The following AFF3 variants were observed in gnomAD, a reference collection of about 807,000 sequenced individuals.
The protein encoded by AFF3 is ALF transcription elongation factor 3, also known as AF4/FMR2 family member 3.
Under a neutral mutation model 129.7 loss-of-function variants are expected in AFF3, and 32 were observed. That is an observed-to-expected ratio of 0.25 (90% CI 0.19 to 0.33). The LOEUF is 0.33. Ranked by LOEUF, AFF3 falls within the 10% of genes least tolerant of loss-of-function variation. AFF3 has a pLI of 1.00. For missense variants in AFF3, 1,373 were observed against 1,592.0 expected (o/e 0.86, Z 2.34); for synonymous variants, 644 against 635.4 (o/e 1.01, Z -0.20).
chr2:99,967,449 C>T (rs902122657), intron 7 of AFF3, among the ~76,000 whole-genome samples: 4 of 152,182 alleles, frequency 2.6e-5, no homozygotes, highest in Admixed American at 1.3e-4. Flanking sequence ...ACTGGATTGG[C>T]ATCTTTCTCT....
chr2:99,763,712 TCAAA>T (rs1182351068), intron 8 of AFF3, among the ~76,000 whole-genome samples: 1 of 152,180 alleles, frequency 6.6e-6, no homozygotes, highest in Non-Finnish European at 1.5e-5. Context: ...TGCAACTGAT[TCAAA>T]CACAGATACA....
rs567870888 is a variant in AFF3, at chr2:99,578,306, T to C, written c.2918+21A>G. On this transcript the variant is annotated intron_variant, in intron 18 of 24. Coordinates refer to ENST00000672756, the MANE Select transcript of AFF3 (RefSeq NM_001386135.1). ...CTGTTCTGTCTTGCCCCTCACCACA[T>C]TTAAAAGCGTCTGAACTTACATATC... 21 of 1,584,110 alleles carry C rather than the reference T, an allele frequency of 1.3e-5. No homozygotes were observed. The East Asian group carries it at 4.8e-4, about 37-fold the overall frequency.
chr2:99,732,873 T>A (rs143166669), intron 10 of AFF3, among the ~76,000 whole-genome samples: 2 of 142,392 alleles, frequency 1.4e-5, no homozygotes, highest in Admixed American at 1.5e-4. Flanking sequence ...GGTTTTAAAG[T>A]TTTTTCTAAT....
chr2:99,846,345 G>A (rs1240030867), intron 7 of AFF3, among the ~76,000 whole-genome samples: 1 of 151,818 alleles, frequency 6.6e-6, no homozygotes, highest in African/African-American at 2.4e-5. Flanking sequence ...GGCCAGGTTG[G>A]TCTCGAACTC....
At chr2:99,667,579 A>C (rs1686781478) in intron 12 of AFF3, among the ~76,000 whole-genome samples, 1 of 152,242 alleles carries the variant, frequency 6.6e-6, no homozygotes, top group African/African-American at 2.4e-5. Context: ...AGTTCTTTCA[A>C]AAGATCAATA....
intron 4 of AFF3, among the ~76,000 whole-genome samples, chr2:100,093,653 C>T (rs1442635585): frequency 2.0e-5 from 3 of 152,034 alleles, no homozygotes; most frequent in East Asian, 1.9e-4. Context: ...GAAGGAACTA[C>T]CTTCAATGAA....
intron 11 of AFF3, among the ~76,000 whole-genome samples, chr2:99,675,523 A>G (rs981067545): frequency 2.6e-5 from 4 of 152,066 alleles, no homozygotes; most frequent in African/African-American, 9.7e-5. Flanking sequence ...CCTTGGCTCA[A>G]CTCCCTAGCA....
intron 13 of AFF3, among the ~76,000 whole-genome samples, chr2:99,615,044 G>A (rs966342554): frequency 9.9e-5 from 15 of 152,168 alleles, no homozygotes; most frequent in African/African-American, 3.6e-4. Flanking sequence ...AATACTAAAA[G>A]TCCATCAGAG....
At chr2:99,902,807 A>G (rs894778208) in intron 7 of AFF3, among the ~76,000 whole-genome samples, 1 of 152,208 alleles carries the variant, frequency 6.6e-6, no homozygotes, top group African/African-American at 2.4e-5. Flanking sequence ...AACATCCTAC[A>G]TAATGCAAAC....
chr2:99,891,615 T>C (rs1034453930), intron 7 of AFF3, among the ~76,000 whole-genome samples: 45 of 152,162 alleles, frequency 3.0e-4, no homozygotes, highest in African/African-American at 1.1e-3. Context: ...CTGTGACAAA[T>C]GGAGGACAGC....
intron 8 of AFF3, among the ~76,000 whole-genome samples, chr2:99,834,225 C>T (rs1488805980): frequency 6.6e-6 from 1 of 152,158 alleles, no homozygotes; most frequent in Non-Finnish European, 1.5e-5. Context: ...AGAGAGGTTG[C>T]TGTGCAAGGC....
chr2:99,653,987 C>A lies in AFF3; in HGVS notation c.1144-4321G>T, dbSNP rs572324639. ...CTCTGCCTCCCTGGTTCAAGCGATT[C>A]TCCTGCTTCAACCTCCAGAGTAGCT... On this transcript the variant is annotated intron_variant, in intron 12 of 24. Transcript: ENST00000672756. Among the ~76,000 whole-genome samples the A allele has an allele frequency of 2.8e-5, 4 of 145,420 alleles. No homozygotes were observed. The South Asian group carries it at 8.8e-4, about 32-fold the overall frequency.
intron 17 of AFF3, among the ~76,000 whole-genome samples, chr2:99,578,849 G>A (rs1186284264): frequency 1.3e-5 from 2 of 152,198 alleles, no homozygotes; most frequent in African/African-American, 4.8e-5. Flanking sequence ...GCATCCTCCA[G>A]GGGGCTGGTG....
Position 99,547,495 on chromosome 2 carries a change from CTTT to C in AFF3, c.*3976_*3978del, listed in dbSNP as rs34122848. On this transcript the variant is annotated 3_prime_UTR_variant, in exon 25 of 25. Coordinates refer to ENST00000672756, the MANE Select transcript of AFF3 (RefSeq NM_001386135.1). ...TGTCTACATTGTTAAAAAAATCTTG[CTTT>C]TTTTTTTTTTTGGTGATGCAGATTT... 194 of 183,308 alleles carry C rather than the reference CTTT, an allele frequency of 1.1e-3. No individual in the cohort carries two copies. The highest frequency in any genetic ancestry group is 1.9e-3 in the Middle Eastern group (1 of 540). The allele number at this position is 183,308 out of a possible 1,614,324, so 11.4% of individuals were successfully genotyped here. A position where few individuals can be genotyped will look rare whatever the true frequency, so the allele number is the denominator to read the frequency against.
At chr2:99,614,663 C>A (rs1028209283) in intron 13 of AFF3, among the ~76,000 whole-genome samples, 1 of 152,234 alleles carries the variant, frequency 6.6e-6, no homozygotes, top group Non-Finnish European at 1.5e-5. Context: ...ACACTCGAAA[C>A]ATTTCTTAGT....
chr2:99,732,532 A>C (rs1473713821), intron 10 of AFF3, among the ~76,000 whole-genome samples: 1 of 152,120 alleles, frequency 6.6e-6, no homozygotes, highest in Non-Finnish European at 1.5e-5. Flanking sequence ...TCTATCATGC[A>C]GTGTTATGAA....
chr2:100,007,490 T>C (rs1682080738), intron 5 of AFF3, 30 bp from the exon 6 acceptor site: 1 of 1,580,820 alleles, frequency 6.3e-7, no homozygotes, highest in African/African-American at 1.4e-5. Flanking sequence ...TCCACGCTAT[T>C]GTTAGAGACA....
chr2:99,856,200 TTAA>T (rs1690511273), intron 7 of AFF3, among the ~76,000 whole-genome samples: 1 of 152,218 alleles, frequency 6.6e-6, no homozygotes, highest in Non-Finnish European at 1.5e-5. Context: ...TTGACTTTAC[TTAA>T]TAATAATGTA....
chr2:100,009,159 G>A (rs1682272287), intron 4 of AFF3, among the ~76,000 whole-genome samples: 1 of 152,164 alleles, frequency 6.6e-6, no homozygotes, highest in Non-Finnish European at 1.5e-5. Flanking sequence ...CCAGTACTAG[G>A]TTTCTCTTCC....
Sources: gnomAD v4.1 joint callset for allele counts (sites outside exome capture counted in the v4.1 genomes callset) on GRCh38, gnomAD v4.1.1 for gene constraint, MANE v1.5 for transcripts, NCBI Gene and HGNC (gene_info 2026-07-23, HGNC 2026-07-21) for gene names.